The following ATP6V0D2 variants were observed in gnomAD, a reference collection of about 807,000 sequenced individuals.
The protein encoded by ATP6V0D2 is ATPase H+ transporting V0 subunit d2.
A neutral mutation model predicts 40.0 loss-of-function variants in ATP6V0D2; 40 were observed. That is an observed-to-expected ratio of 1.00 (90% CI 0.78 to 1.30). The LOEUF (loss-of-function observed/expected upper bound fraction) is 1.30, where lower values mean the gene tolerates loss of function less well. Among genes scored for constraint, ATP6V0D2 ranks in the 50% most tolerant of loss-of-function variants. The pLI is 0.00. For missense variants in ATP6V0D2, 470 were observed against 423.1 expected, an observed-to-expected ratio of 1.11 and a Z score of -0.97; for synonymous variants, 179 against 156.3, an observed-to-expected ratio of 1.15 and a Z score of -1.08.
chr8:86,112,933 G>A (rs7001699), intron 1 of ATP6V0D2, among the ~76,000 whole-genome samples: 71,677 of 151,846 alleles, frequency 0.47, 18,042 homozygotes, highest in Non-Finnish European at 0.56. Flanking sequence ...CAATTTCTTC[G>A]TCTGTAATAA....
intron 5 of ATP6V0D2, among the ~76,000 whole-genome samples, chr8:86,145,034 A>G (rs1819028327): frequency 6.7e-6 from 1 of 150,024 alleles, no homozygotes; most frequent in African/African-American, 2.5e-5. Context: ...GTGGTGGTGC[A>G]CATCTGTAAT....
At chr8:86,105,839 C>T (rs1476404700) in intron 1 of ATP6V0D2, among the ~76,000 whole-genome samples, 2 of 151,954 alleles carry the variant, frequency 1.3e-5, no homozygotes, top group African/African-American at 4.8e-5. Context: ...TAGTCTCGAT[C>T]TCCTGACCTC....
At chr8:86,107,191 G>T (rs62509936) in intron 1 of ATP6V0D2, among the ~76,000 whole-genome samples, 12,050 of 152,104 alleles carry the variant, frequency 0.079, 554 homozygotes, top group Non-Finnish European at 0.1. Flanking sequence ...ATAATAGATT[G>T]ATAAAAGGCC....
chr8:86,144,687 A>G (rs995567062), intron 5 of ATP6V0D2, among the ~76,000 whole-genome samples: 2 of 152,104 alleles, frequency 1.3e-5, no homozygotes, highest in Non-Finnish European at 2.9e-5. Context: ...TTTTTGAGAC[A>G]GGGTCTCACT....
intron 5 of ATP6V0D2, among the ~76,000 whole-genome samples, 198 bp downstream of exon 5, chr8:86,143,152 A>G (rs1022854312): frequency 6.6e-6 from 1 of 152,160 alleles, no homozygotes; most frequent in Non-Finnish European, 1.5e-5. Flanking sequence ...GGAATATGGA[A>G]GTTTTCTACA....
intron 2 of ATP6V0D2, among the ~76,000 whole-genome samples, chr8:86,133,933 T>G (rs1267015836): frequency 6.6e-6 from 1 of 151,974 alleles, no homozygotes; most frequent in East Asian, 1.9e-4. Flanking sequence ...ATTCCCCCCA[T>G]TTGGCAAAAG....
chr8:86,128,505 T>C (rs1563561167), intron 2 of ATP6V0D2, among the ~76,000 whole-genome samples: 2 of 152,350 alleles, frequency 1.3e-5, no homozygotes, highest in African/African-American at 2.4e-5. Flanking sequence ...AGACTGAGTA[T>C]TGAGGTACCT....
intron 2 of ATP6V0D2, 83 bp downstream of exon 2, chr8:86,113,963 A>C: frequency 7.7e-7 from 1 of 1,303,970 alleles, no homozygotes; most frequent in South Asian, 1.8e-5. Flanking sequence ...GTATCAAGCC[A>C]GAGTGAGACT....
chr8:86,150,492 C>T (rs903604422), intron 6 of ATP6V0D2, among the ~76,000 whole-genome samples: 16 of 151,338 alleles, frequency 1.1e-4, no homozygotes, highest in African/African-American at 3.7e-4. Context: ...AAAGTTCCTG[C>T]CAAGCAAGTA....
At chr8:86,149,778 C>A (rs1819118318) in intron 5 of ATP6V0D2, among the ~76,000 whole-genome samples, 1 of 152,076 alleles carries the variant, frequency 6.6e-6, no homozygotes, top group Non-Finnish European at 1.5e-5. Flanking sequence ...AATAGGTATT[C>A]TCCTTTTTAT....
intron 5 of ATP6V0D2, among the ~76,000 whole-genome samples, chr8:86,145,319 AAGGAAAGAAG>A (rs1819048855): frequency 2.1e-5 from 1 of 46,862 alleles, no homozygotes; most frequent in Non-Finnish European, 4.2e-5. Flanking sequence ...GAAAAGAAAG[AAGGAAAGAAG>A]GAAAGAAGGA....
chr8:86,104,772 T>C (rs1818447237), intron 1 of ATP6V0D2, among the ~76,000 whole-genome samples: 2 of 151,826 alleles, frequency 1.3e-5, no homozygotes, highest in Admixed American at 1.3e-4. Context: ...CCTTAGACAT[T>C]ATTTGTACCT....
chr8:86,113,375 G>T (rs1166135221), intron 1 of ATP6V0D2, among the ~76,000 whole-genome samples: 3 of 152,068 alleles, frequency 2.0e-5, no homozygotes, highest in African/African-American at 7.2e-5. Context: ...CCAGTTACTT[G>T]GGAGGCTGAA....
In ATP6V0D2 at chr8:86,125,152, G is replaced by A. The variant is rs539979372; in HGVS notation, c.302+11272G>A. The stretch of plus-strand genomic sequence containing the variant: ...CAGCAAAATCAGCGTCTGAGGTTGA[G>A]GATGTTAAGGTAATGGATGTGAAAG... On this transcript the variant is annotated intron_variant, in intron 2 of 7. Transcript: ENST00000285393. Among the ~76,000 whole-genome samples, 37 of 152,230 alleles carry A rather than the reference G, an allele frequency of 2.4e-4. No individual in the cohort carries two copies. In the South Asian group the frequency reaches 7.7e-3, roughly 32 times the overall value.
chr8:86,152,700 T>C, intron 7 of ATP6V0D2, 116 bp from the exon 8 acceptor site: 3 of 982,722 alleles, frequency 3.1e-6, no homozygotes, highest in Non-Finnish European at 4.3e-6. Context: ...AATTTAGAGA[T>C]TGCCTGTTTA....
chr8:86,104,106 G>T (rs942184949), intron 1 of ATP6V0D2, among the ~76,000 whole-genome samples: 4 of 152,166 alleles, frequency 2.6e-5, no homozygotes, highest in Admixed American at 6.6e-5. Flanking sequence ...GGGATTACAG[G>T]CATGACCCAC....
intron 4 of ATP6V0D2, among the ~76,000 whole-genome samples, chr8:86,141,838 T>C (rs1276889062): frequency 6.6e-6 from 1 of 152,138 alleles, no homozygotes; most frequent in Non-Finnish European, 1.5e-5. Flanking sequence ...GTGAACAATA[T>C]CAATCCATTT....
At chr8:86,148,230 C>T (rs1819098044) in intron 5 of ATP6V0D2, among the ~76,000 whole-genome samples, 1 of 152,236 alleles carries the variant, frequency 6.6e-6, no homozygotes, top group Non-Finnish European at 1.5e-5. Context: ...CTTCTTCTTC[C>T]ATTTCTTCTC....
Position 86,139,446 on chromosome 8 carries a change from T to C in ATP6V0D2, c.303-11T>C. 3.8e-6 allele frequency: 6 copies of C among 1,594,096 alleles called. No homozygotes were observed. The highest frequency in any genetic ancestry group is 5.1e-6 in the Non-Finnish European group (6 of 1,171,578). On this transcript the variant is annotated splice_polypyrimidine_tract_variant and intron_variant, in intron 2 of 7. Transcript: ENST00000285393. Reference sequence around the variant, plus strand: ...GCTGTCCTCTAATGATTGAGTTGTCTTCTGAACCAGGTGCAGTTATATGAT... The same window carrying C: ...GCTGTCCTCTAATGATTGAGTTGTCCTCTGAACCAGGTGCAGTTATATGAT...
Sources: allele counts gnomAD v4.1 joint callset (sites outside exome capture counted in the v4.1 genomes callset), GRCh38; gene constraint gnomAD v4.1.1; transcripts MANE v1.5; gene names NCBI Gene and HGNC (gene_info 2026-07-23, HGNC 2026-07-21).